The following VPS9D1 variants were observed in gnomAD, a reference collection of about 807,000 sequenced individuals.
The protein encoded by VPS9D1 is VPS9 domain containing 1, also known as VPS9 domain-containing protein 1.
Under a neutral mutation model 75.8 loss-of-function variants are expected in VPS9D1, and 78 were observed. The ratio of observed to expected loss-of-function variants is 1.03; its 90% CI spans 0.86 to 1.24. The LOEUF (loss-of-function observed/expected upper bound fraction) is 1.24. VPS9D1 is among the 50% of genes most tolerant of loss of function. The pLI is 0.00. For synonymous variants in VPS9D1, 481 were observed against 385.6 expected, an observed-to-expected ratio of 1.25 and a Z score of -2.90; for missense variants, 1,057 against 847.7, an observed-to-expected ratio of 1.25 and a Z score of -3.07.
Position 89,711,724 on chromosome 16 carries a change from GC to G in VPS9D1, c.747+157del, listed in dbSNP as rs1233030025. On this transcript the variant is annotated intron_variant, in intron 8 of 14. Transcript: ENST00000389386. The stretch of plus-strand genomic sequence containing the variant: ...CCCCGCCCCACGCAGCCCTGGCCCC[GC>G]CCCCTCACCGGGCCCTCCCACGGGC... 19 of 847,990 alleles carry G rather than the reference GC, an allele frequency of 2.2e-5. No homozygotes were observed. In the East Asian group the frequency reaches 3.6e-4, roughly 16 times the overall value. 52.5% of individuals were successfully genotyped at this position (847,990 alleles called of 1,614,324 possible). A position where few individuals can be genotyped will look rare whatever the true frequency, so the allele number is the denominator to read the frequency against.
chr16:89,709,575 G>T, intron 11 of VPS9D1, 140 bp from the exon 12 acceptor site: 1 of 1,271,564 alleles, frequency 7.9e-7, no homozygotes, highest in Non-Finnish European at 1.1e-6. Context: ...CAAGACCCCA[G>T]GCACGGGAGA....
At chr16:89,708,004 AC>A (rs767901197) in intron 14 of VPS9D1, 50 bp from the exon 15 acceptor site, 3 of 1,554,820 alleles carry the variant, frequency 1.9e-6, no homozygotes, top group South Asian at 2.2e-5. Context: ...ACAGAAGGAT[AC>A]CCCCGGCCCT....
intron 2 of VPS9D1, chr16:89,718,111 C>T: frequency 2.2e-6 from 1 of 453,800 alleles, no homozygotes. Context: ...CTCTGTGATC[C>T]TTTGTGCAGC....
At chr16:89,719,970 G>C (rs1424857179) in intron 1 of VPS9D1, among the ~76,000 whole-genome samples, 2 of 152,098 alleles carry the variant, frequency 1.3e-5, no homozygotes, top group African/African-American at 4.8e-5. Context: ...CCACCGCCTG[G>C]GCCTCCCAAA....
At position 89,709,424 on chromosome 16, in the gene VPS9D1, C is replaced by G. The variant is rs568980335; in HGVS notation, c.1400G>C (p.Arg467Pro). Residue 467 changes from arginine to proline, a missense_variant, in exon 12 of 15, where the codon CGA (arginine) becomes CCA (proline). Arg to Pro is a moderately radical substitution (Grantham distance 103, BLOSUM62 -2). Transcript: ENST00000389386. ...LLLALYRSVHRAREAALSRSM... is the reference protein window; with the variant it reads ...LLLALYRSVHPAREAALSRSM... ...CCTGCTCAGGGCAGCCTCCCGGGCT[C>G]GGTGCACGCTCCTGGGGCAGAGAGA... 4 of 1,515,366 alleles carry G rather than the reference C, an allele frequency of 2.6e-6. No individual in the cohort carries two copies. Among genetic ancestry groups the G allele is most frequent in the Non-Finnish European group, 2.6e-6 (3 of 1,140,014 alleles). The allele number at this position is 1,515,366 out of a possible 1,614,324, so 93.9% of individuals were successfully genotyped here.
Position 89,710,595 on chromosome 16 carries a change from T to C in VPS9D1, c.1249A>G (p.Asn417Asp). ...GAGGGCCTGGCCTCACCTACGGCAT[T>C]GTGGATCTCCTCCACCGCGGTCTTC... ...QLKTAVEEIH[N>D]AVDRLLSLTL... Residue 417 changes from asparagine to aspartate, a missense_variant, in exon 10 of 15, where the codon AAT (asparagine) becomes GAT (aspartate). Transcript: ENST00000389386. 3 of 1,597,648 alleles carry C rather than the reference T, an allele frequency of 1.9e-6. No homozygotes were observed. Among genetic ancestry groups the C allele is most frequent in the Non-Finnish European group, 8.6e-7 (1 of 1,167,752 alleles).
chr16:89,708,968 A>G lies in VPS9D1; in HGVS notation c.1598-12T>C. 1.9e-6 allele frequency: 3 copies of G among 1,586,550 alleles called. No individual in the cohort carries two copies. The highest frequency in any genetic ancestry group is 1.3e-5 in the African/African-American group (1 of 74,382). On this transcript the variant is annotated splice_polypyrimidine_tract_variant and intron_variant, in intron 12 of 14. Transcript: ENST00000389386. ...CCGCAGGGTCCGCACTGCGCCCCAG[A>G]CAGGGTTTCAGGGGCAGTTAACCCC... is the stretch of plus-strand genomic sequence containing the variant.
At chr16:89,712,565 G>T in intron 5 of VPS9D1, 40 bp downstream of exon 5, 1 of 1,608,988 alleles carries the variant, frequency 6.2e-7, no homozygotes. Context: ...CCTCTGCCCC[G>T]CGCCCACGCA....
Position 89,707,755 on chromosome 16 carries a change from G to T in VPS9D1, c.*106C>A. ...AAGCCCCCACCATGTGCAGAGCAGC[G>T]TGAGGCTCCAGGATGGTCCTCAGTA... On this transcript the variant is annotated 3_prime_UTR_variant, in exon 15 of 15. Transcript: ENST00000389386. 1 of 985,280 alleles carries T rather than the reference G, an allele frequency of 1.0e-6. No homozygotes were observed. Among genetic ancestry groups the T allele is most frequent in the Non-Finnish European group, 1.6e-6 (1 of 638,414 alleles). The allele number at this position is 985,280 out of a possible 1,614,324, so 61.0% of individuals were successfully genotyped here.
Position 89,712,031 on chromosome 16 carries a change from C to T in VPS9D1, c.659+16G>A. On this transcript the variant is annotated intron_variant, in intron 7 of 14. Transcript: ENST00000389386. ...GCCCTCCCCGCAGCGGCCCCAGGGG[C>T]GGGCAGGAGTCCCACCTGTTGGCGG... 6.5e-7 allele frequency: 1 copy of T among 1,549,126 alleles called. No individual in the cohort carries two copies. Among genetic ancestry groups the T allele is most frequent in the East Asian group, 2.4e-5 (1 of 40,890 alleles).
rs770955377 is a variant in VPS9D1, at chr16:89,711,871, G to A, written c.747+11C>T. 4.5e-6 allele frequency: 7 copies of A among 1,549,718 alleles called. No homozygotes were observed. Among genetic ancestry groups the A allele is most frequent in the Middle Eastern group, 1.7e-4 (1 of 5,954 alleles). On this transcript the variant is annotated intron_variant, in intron 8 of 14. Coordinates refer to ENST00000389386, the MANE Select transcript of VPS9D1 (RefSeq NM_004913.3). ...CTCCTCCTACAAAGCCTGGGCCCGT[G>A]GGGGACGCACATGGTCCTGTTCGTA...
intron 4 of VPS9D1, among the ~76,000 whole-genome samples, chr16:89,715,126 G>A (rs2061029862): frequency 6.6e-6 from 1 of 151,888 alleles, no homozygotes; most frequent in Non-Finnish European, 1.5e-5. Context: ...TTGCTCTTCA[G>A]CTATATCTGC....
intron 9 of VPS9D1, 63 bp from the exon 10 acceptor site, chr16:89,711,073 C>T: frequency 7.1e-7 from 1 of 1,407,964 alleles, no homozygotes; most frequent in Non-Finnish European, 9.3e-7. Context: ...TCCACAGGTG[C>T]CGCGCTATGC....
chr16:89,708,832 C>G, intron 13 of VPS9D1, 25 bp downstream of exon 13: 2 of 1,562,052 alleles, frequency 1.3e-6, no homozygotes, highest in Admixed American at 2.2e-5. Context: ...CCTCCCTGGC[C>G]ACACCTCGCC....
intron 9 of VPS9D1, 41 bp downstream of exon 9, chr16:89,711,286 C>A (rs758607587): frequency 6.4e-7 from 1 of 1,563,812 alleles, no homozygotes; most frequent in East Asian, 2.3e-5. Flanking sequence ...GTGCCCAAGG[C>A]CGGTGCGCAG....
Position 89,709,092 on chromosome 16 carries a change from G to C in VPS9D1, c.1597+135C>G. 1 of 1,429,810 alleles carries C rather than the reference G, an allele frequency of 7.0e-7. No homozygotes were observed. The highest frequency in any genetic ancestry group is 9.5e-7 in the Non-Finnish European group (1 of 1,051,188). 88.6% of individuals were successfully genotyped at this position (1,429,810 alleles called of 1,614,324 possible). ...ACGGTGACCCTGGCGATGTTGCTCA[G>C]ACACCACTTTTGTTCTGGTCCCCCA... On this transcript the variant is annotated intron_variant, in intron 12 of 14. Coordinates refer to ENST00000389386, the MANE Select transcript of VPS9D1 (RefSeq NM_004913.3).
Position 89,719,073 on chromosome 16 carries a change from G to C in VPS9D1, c.129C>G (p.Ile43Met). The change falls in exon 2 of 15, where the codon ATC becomes ATG. Residue 43 changes from isoleucine (I) to methionine (M), a missense_variant. By Grantham distance (10) the Ile-to-Met change is conservative. Transcript: ENST00000389386. ...CTAGTAACACCTGGGAGATATAGTG[G>C]ATGCTCCTCAGGTATTCCGTGTATG... ...REAYTEYLRS[I>M]HYISQVLLEE... The C allele has an allele frequency of 6.2e-7, 1 of 1,613,702 alleles. No homozygotes were observed. Among genetic ancestry groups the C allele is most frequent in the Non-Finnish European group, 8.5e-7 (1 of 1,179,904 alleles).
In VPS9D1 at chr16:89,710,593, A is replaced by T; in HGVS notation, c.1251T>A (p.Asn417Lys). The change falls in exon 10 of 15, where the codon AAT becomes AAA. Residue 417 changes from asparagine to lysine, a missense_variant. Coordinates refer to ENST00000389386, the MANE Select transcript of VPS9D1 (RefSeq NM_004913.3). Reference protein sequence around the residue: ...QLKTAVEEIHNAVDRLLSLTL... With the variant: ...QLKTAVEEIHKAVDRLLSLTL... ...GGGAGGGCCTGGCCTCACCTACGGC[A>T]TTGTGGATCTCCTCCACCGCGGTCT... The T allele has an allele frequency of 6.3e-7, 1 of 1,597,636 alleles. No homozygotes were observed. Among genetic ancestry groups the T allele is most frequent in the Non-Finnish European group, 8.6e-7 (1 of 1,167,784 alleles).
At chr16:89,719,893 AT>A (rs2061201829) in intron 1 of VPS9D1, among the ~76,000 whole-genome samples, 1 of 152,046 alleles carries the variant, frequency 6.6e-6, no homozygotes, top group Non-Finnish European at 1.5e-5. Flanking sequence ...TAATTTTTGT[AT>A]TTTTAGTAGA....
Sources: allele counts gnomAD v4.1 joint callset (sites outside exome capture counted in the v4.1 genomes callset), GRCh38; gene constraint gnomAD v4.1.1; transcripts MANE v1.5; gene names NCBI Gene and HGNC (gene_info 2026-07-23, HGNC 2026-07-21).